The following RBM6 variants were observed in gnomAD, a reference collection of about 807,000 sequenced individuals.
RBM6 encodes the protein RNA binding motif protein 6.
In RBM6, 23 loss-of-function variants were observed where a neutral mutation model predicts 140.4. The observed-to-expected ratio is 0.16, with a 90% CI of 0.12 to 0.23. The LOEUF (loss-of-function observed/expected upper bound fraction) is 0.23. RBM6 is among the 10% of genes least tolerant of loss of function. The pLI is 1.00. For synonymous variants in RBM6, 439 were observed against 475.6 expected, an observed-to-expected ratio of 0.92 and a Z score of 1.00; for missense variants, 1,139 against 1,386.7, an observed-to-expected ratio of 0.82 and a Z score of 2.84.
At chr3:50,004,037 T>C (rs1373893992) in intron 6 of RBM6, among the ~76,000 whole-genome samples, 1 of 152,244 alleles carries the variant, frequency 6.6e-6, no homozygotes, top group Non-Finnish European at 1.5e-5. Context: ...AGTATTGTGT[T>C]AAAATGTTAA....
Position 50,038,656 on chromosome 3 carries a change from C to A in RBM6, c.1558-9589C>A, listed in dbSNP as rs185102911. Among the ~76,000 whole-genome samples the A allele has an allele frequency of 7.0e-3, 1,066 of 152,218 alleles. 15 individuals carry two copies. The highest frequency in any genetic ancestry group is 0.024 in the African/African-American group (1,015 of 41,528). On this transcript the variant is annotated intron_variant, in intron 6 of 20. Transcript: ENST00000266022. Reference sequence around the variant, plus strand: ...AACATCCTGGCTAACAGGGTGAAACCCCGTCTCTACTAAAAATACAAAAAA... The same window carrying A: ...AACATCCTGGCTAACAGGGTGAAACACCGTCTCTACTAAAAATACAAAAAA...
chr3:50,014,732 T>C (rs770552406), intron 6 of RBM6, among the ~76,000 whole-genome samples: 1 of 152,170 alleles, frequency 6.6e-6, no homozygotes, highest in Non-Finnish European at 1.5e-5. Context: ...GCTGTGTATA[T>C]AGAATGCTGT....
intron 6 of RBM6, among the ~76,000 whole-genome samples, chr3:50,028,801 A>G (rs748987756): frequency 2.6e-5 from 4 of 152,196 alleles, no homozygotes; most frequent in Non-Finnish European, 4.4e-5. Context: ...AATTGGGTTA[A>G]CACATATTGC....
At chr3:49,964,368 C>T (rs1029124290) in intron 2 of RBM6, among the ~76,000 whole-genome samples, 2 of 152,122 alleles carry the variant, frequency 1.3e-5, no homozygotes, top group African/African-American at 4.8e-5. Context: ...TGCTGAATGA[C>T]AGAGATTGGT....
At chr3:50,011,174 T>A (rs1488369078) in intron 6 of RBM6, among the ~76,000 whole-genome samples, 1 of 151,868 alleles carries the variant, frequency 6.6e-6, no homozygotes, top group Non-Finnish European at 1.5e-5. Flanking sequence ...GAGCCATGAT[T>A]AGATCACTGC....
chr3:49,942,825 C>T (rs1173617768), intron 1 of RBM6, among the ~76,000 whole-genome samples: 1 of 152,062 alleles, frequency 6.6e-6, no homozygotes, highest in African/African-American at 2.4e-5. Context: ...CATGCCATTG[C>T]ACTTCAGCCT....
intron 6 of RBM6, among the ~76,000 whole-genome samples, chr3:50,005,166 A>G (rs538405818): frequency 6.6e-6 from 1 of 152,296 alleles, no homozygotes; most frequent in South Asian, 2.1e-4. Flanking sequence ...ATAGGAAACC[A>G]AATCTCAAAT....
chr3:49,960,535 G>A (rs1285912563), intron 1 of RBM6, among the ~76,000 whole-genome samples: 2 of 152,172 alleles, frequency 1.3e-5, no homozygotes, highest in African/African-American at 4.8e-5. Flanking sequence ...TTTTGGTGAA[G>A]TCCCTTTATC....
chr3:49,960,160 A>G (rs961391536), intron 1 of RBM6, among the ~76,000 whole-genome samples: 2 of 152,128 alleles, frequency 1.3e-5, no homozygotes, highest in South Asian at 2.1e-4. Flanking sequence ...GGTAGAACAG[A>G]TATGTACGAT....
chr3:50,064,924 G>C (rs1559649918), intron 15 of RBM6, 107 bp from the exon 16 acceptor site: 1 of 829,194 alleles, frequency 1.2e-6, no homozygotes, highest in East Asian at 2.7e-5. Flanking sequence ...CACCTGCCTT[G>C]ACCTCCCAGA....
chr3:49,995,713 A>AT (rs999600376), intron 5 of RBM6, among the ~76,000 whole-genome samples: 27 of 152,118 alleles, frequency 1.8e-4, no homozygotes, highest in African/African-American at 6.3e-4. Flanking sequence ...AATAAAGTAG[A>AT]TTTTTTTGTT....
chr3:50,066,100 A>G (rs2090111780), intron 16 of RBM6, 142 bp from the exon 17 acceptor site: 3 of 911,564 alleles, frequency 3.3e-6, no homozygotes, highest in Middle Eastern at 3.5e-4. Flanking sequence ...TGTTGCTTTC[A>G]TCTGGGAAAT....
chr3:49,955,154 T>C (rs2083916664), intron 1 of RBM6, among the ~76,000 whole-genome samples: 1 of 100,976 alleles, frequency 9.9e-6, no homozygotes, highest in Non-Finnish European at 1.9e-5. Context: ...GTATTTTTTT[T>C]TCTTTCTTTT....
At chr3:49,942,744 T>C (rs2083342726) in intron 1 of RBM6, among the ~76,000 whole-genome samples, 1 of 151,940 alleles carries the variant, frequency 6.6e-6, no homozygotes, top group Non-Finnish European at 1.5e-5. Flanking sequence ...AATACAAAAA[T>C]TAGCCATGCA....
intron 1 of RBM6, among the ~76,000 whole-genome samples, chr3:49,948,694 G>A (rs1175046808): frequency 6.8e-6 from 1 of 148,088 alleles, no homozygotes; most frequent in East Asian, 2.0e-4. Flanking sequence ...ATTGGCAGCA[G>A]AGTGAGACTC....
At chr3:49,988,514 G>T (rs189760914) in intron 5 of RBM6, among the ~76,000 whole-genome samples, 4 of 151,842 alleles carry the variant, frequency 2.6e-5, no homozygotes, top group Admixed American at 2.0e-4. Flanking sequence ...GATATTCCTC[G>T]ACTTGATCTA....
At chr3:50,049,697 G>A (rs750026083) in intron 7 of RBM6, among the ~76,000 whole-genome samples, 1 of 152,100 alleles carries the variant, frequency 6.6e-6, no homozygotes, top group Non-Finnish European at 1.5e-5. Context: ...CTCCCTTATG[G>A]TGTCATTTTA....
intron 1 of RBM6, chr3:49,941,224 A>T (rs897078218): frequency 2.6e-5 from 4 of 152,202 alleles, no homozygotes; most frequent in Admixed American, 2.0e-4. Flanking sequence ...GAAGAAAGTA[A>T]CTAAATAATA....
chr3:50,043,674 T>C (rs9682295), intron 6 of RBM6, among the ~76,000 whole-genome samples: 97,274 of 150,532 alleles, frequency 0.65, 32,006 homozygotes, highest in East Asian at 0.88. Context: ...ACCTCTGACT[T>C]CCTGGTTCAA....
Sources: allele counts gnomAD v4.1 joint callset (sites outside exome capture counted in the v4.1 genomes callset), GRCh38; gene constraint gnomAD v4.1.1; transcripts MANE v1.5; gene names NCBI Gene and HGNC (gene_info 2026-07-23, HGNC 2026-07-21).